Variants in TMEM245 observed in about 807,000 individuals in gnomAD.
TMEM245 encodes the protein transmembrane protein 245.
In TMEM245, 69 loss-of-function variants were observed where a neutral mutation model predicts 101.2. That is an observed-to-expected ratio of 0.68 (90% CI 0.56 to 0.83). The LOEUF (loss-of-function observed/expected upper bound fraction) is 0.83. TMEM245 is among the 40% of genes least tolerant of loss of function. The probability of loss-of-function intolerance (pLI) is 0.00; values close to 1 mark genes in which losing one functional copy is unlikely to be tolerated. For missense variants in TMEM245, 1,075 were observed against 1,092.8 expected, an observed-to-expected ratio of 0.98 and a Z score of 0.23; for synonymous variants, 537 against 449.8, an observed-to-expected ratio of 1.19 and a Z score of -2.45.
Position 109,019,242 on chromosome 9 carries a change from T to G in TMEM245, c.*1218A>C, listed in dbSNP as rs1827547096. ...AACACTGGGAAAACTGCATACAATATTTAGAAGGAACACTAATACAGCAGA... is the reference window on the plus strand; with the variant it reads ...AACACTGGGAAAACTGCATACAATAGTTAGAAGGAACACTAATACAGCAGA... On this transcript the variant is annotated 3_prime_UTR_variant, in exon 18 of 18. Coordinates refer to ENST00000374586, the MANE Select transcript of TMEM245 (RefSeq NM_032012.4). The G allele has an allele frequency of 6.6e-6, 1 of 152,206 alleles. No individual in the cohort carries two copies. The highest frequency in any genetic ancestry group is 1.5e-5 in the Non-Finnish European group (1 of 68,060). 9.4% of individuals were successfully genotyped at this position (152,206 alleles called of 1,614,324 possible).
chr9:109,022,668 C>A (rs1827667161), intron 17 of TMEM245, among the ~76,000 whole-genome samples: 1 of 152,134 alleles, frequency 6.6e-6, no homozygotes, highest in Non-Finnish European at 1.5e-5. Context: ...AGAACTAAAG[C>A]TCTAGATAGC....
chr9:109,096,046 T>C (rs1000781004), intron 3 of TMEM245, among the ~76,000 whole-genome samples: 8 of 152,264 alleles, frequency 5.3e-5, no homozygotes, highest in African/African-American at 1.4e-4. Flanking sequence ...CGGACCACAC[T>C]TGATGAGGAA....
Position 109,060,363 on chromosome 9 carries a change from C to T in TMEM245, c.1713G>A (p.Trp571Ter). Residue 571 changes from tryptophan to a stop codon, truncating the protein, a stop_gained, in exon 11 of 18, where the codon TGG (tryptophan) becomes TGA (stop). Coordinates refer to ENST00000374586, the MANE Select transcript of TMEM245 (RefSeq NM_032012.4). LOFTEE classifies it high-confidence loss of function. ...LELWDRLYHS[W>*]FVKNVTHSGR... ...AGCTAAAATAACTTACCTTTACAAA[C>T]CAAGAGTGATACAGTCTGTCCCAAA... 7 of 1,611,462 alleles carry T rather than the reference C, an allele frequency of 4.3e-6. No homozygotes were observed. The highest frequency in any genetic ancestry group is 5.9e-6 in the Non-Finnish European group (7 of 1,178,772).
At chr9:109,118,968 G>C (rs1165517588) in intron 1 of TMEM245, among the ~76,000 whole-genome samples, 1 of 152,172 alleles carries the variant, frequency 6.6e-6, no homozygotes, top group Non-Finnish European at 1.5e-5. Context: ...GCGCAGAACT[G>C]AGGGTGGCCG....
Position 109,085,927 on chromosome 9 carries a change from G to A in TMEM245, c.1344+70C>T, listed in dbSNP as rs1588062875. ...AGTTTGACACATGGACAGAAACATA[G>A]AGTGAAAAAGGCGATACAGGGGCAT... On this transcript the variant is annotated intron_variant, in intron 7 of 17. Coordinates refer to ENST00000374586, the MANE Select transcript of TMEM245 (RefSeq NM_032012.4). 9 of 1,511,418 alleles carry A rather than the reference G, an allele frequency of 6.0e-6. No individual in the cohort carries two copies. In the East Asian group the frequency reaches 1.8e-4, roughly 30 times the overall value. The allele number at this position is 1,511,418 out of a possible 1,614,324, so 93.6% of individuals were successfully genotyped here.
At chr9:109,089,846 T>C (rs1368714533) in intron 5 of TMEM245, among the ~76,000 whole-genome samples, 1 of 152,212 alleles carries the variant, frequency 6.6e-6, no homozygotes, top group African/African-American at 2.4e-5. Flanking sequence ...TAGATATACA[T>C]GTAATTTAAT....
In TMEM245 at chr9:109,080,408, G is replaced by A. The variant is rs113294783; in HGVS notation, c.1449+431C>T. Among the ~76,000 whole-genome samples, 571 of 152,112 alleles carry A rather than the reference G, an allele frequency of 3.8e-3. 4 individuals are homozygous for A. Among genetic ancestry groups the A allele is most frequent in the Non-Finnish European group, 6.4e-3 (437 of 67,934 alleles). ...TGTAAGCTGGAAGGACCTGGAAAGC[G>A]AGAAATAAAGGTGCTATGGTATATA... is the stretch of plus-strand genomic sequence containing the variant. On this transcript the variant is annotated intron_variant, in intron 8 of 17. Coordinates refer to ENST00000374586, the MANE Select transcript of TMEM245 (RefSeq NM_032012.4).
chr9:109,051,033 G>A (rs1219151916), intron 12 of TMEM245, among the ~76,000 whole-genome samples: 2 of 152,018 alleles, frequency 1.3e-5, no homozygotes, highest in African/African-American at 2.4e-5. Context: ...GCTCATGCCT[G>A]TAATCCCAGC....
At chr9:109,116,700 G>T (rs1277912695) in intron 1 of TMEM245, among the ~76,000 whole-genome samples, 1 of 151,826 alleles carries the variant, frequency 6.6e-6, no homozygotes, top group Non-Finnish European at 1.5e-5. Context: ...CTAATTTTTT[G>T]TATTTTTAGT....
chr9:109,078,007 T>C (rs1829562006), intron 8 of TMEM245, among the ~76,000 whole-genome samples: 2 of 152,210 alleles, frequency 1.3e-5, no homozygotes, highest in Admixed American at 1.3e-4. Flanking sequence ...TGCACTGCCT[T>C]TTGTGTTCAG....
At chr9:109,083,184 T>TA (rs1829718582) in intron 7 of TMEM245, among the ~76,000 whole-genome samples, 1 of 150,486 alleles carries the variant, frequency 6.6e-6, no homozygotes, top group Non-Finnish European at 1.5e-5. Flanking sequence ...GTGAAGAGGA[T>TA]AAAAAACTTA....
At position 109,090,951 on chromosome 9, in the gene TMEM245, A is replaced by G; in HGVS notation, c.1121T>C (p.Ile374Thr). Reference protein sequence around the residue: ...VVMQIWLNLWIVQLLPVPIAV... With the variant: ...VVMQIWLNLWTVQLLPVPIAV... ...AATCGGCACTGGCAGCAACTGCACA[A>G]TCCACAGGTTCAACCAGATCTGCAT... The change falls in exon 5 of 18, where the codon ATT (isoleucine) becomes ACT (threonine). Residue 374 changes from isoleucine (I) to threonine (T), a missense_variant. Ile to Thr is a moderately conservative substitution (Grantham distance 89). Transcript: ENST00000374586. 3 of 1,614,240 alleles carry G rather than the reference A, an allele frequency of 1.9e-6. No homozygotes were observed. Among genetic ancestry groups the G allele is most frequent in the Non-Finnish European group, 2.5e-6 (3 of 1,180,048 alleles).
At chr9:109,115,214 G>A (rs1830684316) in intron 1 of TMEM245, among the ~76,000 whole-genome samples, 1 of 152,142 alleles carries the variant, frequency 6.6e-6, no homozygotes, top group Non-Finnish European at 1.5e-5. Flanking sequence ...GCCGGGCGTG[G>A]TGGGTGCCTG....
chr9:109,068,477 C>T (rs1318913654), intron 9 of TMEM245, among the ~76,000 whole-genome samples: 1 of 151,492 alleles, frequency 6.6e-6, no homozygotes, highest in East Asian at 1.9e-4. Flanking sequence ...CCCTCTCTTA[C>T]TAAAAACAAA....
intron 17 of TMEM245, among the ~76,000 whole-genome samples, chr9:109,024,632 A>G (rs1827741947): frequency 6.6e-6 from 1 of 152,250 alleles, no homozygotes; most frequent in African/African-American, 2.4e-5. Flanking sequence ...TCTCACAAAA[A>G]GGGTACTTTG....
At chr9:109,047,451 T>C (rs981426467) in intron 14 of TMEM245, among the ~76,000 whole-genome samples, 1 of 152,200 alleles carries the variant, frequency 6.6e-6, no homozygotes, top group African/African-American at 2.4e-5. Context: ...GTCATGATCT[T>C]CCCTAACCAG....
rs747782583 is a variant in TMEM245 at position 109,064,457 on chromosome 9, A to T, written c.1623+20T>A. ...AAGACCCTGAAAAGAGAAAGCCACAAAGAAAGTTTCTTCCCTTACCTTGTG... is the reference window on the plus strand; with the variant it reads ...AAGACCCTGAAAAGAGAAAGCCACATAGAAAGTTTCTTCCCTTACCTTGTG... On this transcript the variant is annotated intron_variant, in intron 10 of 17. Transcript: ENST00000374586. The T allele has an allele frequency of 1.9e-6, 3 of 1,598,444 alleles. No individual in the cohort carries two copies. The highest frequency in any genetic ancestry group is 2.6e-6 in the Non-Finnish European group (3 of 1,173,342).
Position 109,087,147 on chromosome 9 carries a change from C to T in TMEM245, c.1320+26G>A, listed in dbSNP as rs372587158. ...ACGAAATATATTAACTCCATTAAGA[C>T]AGCCCAAGTCCTTAAAATACAATAC... On this transcript the variant is annotated intron_variant, in intron 6 of 17. Transcript: ENST00000374586. 1.9e-5 allele frequency: 30 copies of T among 1,576,388 alleles called. No individual in the cohort carries two copies. In the African/African-American group the frequency reaches 3.6e-4, roughly 19 times the overall value.
At chr9:109,105,464 A>G (rs34503116) in intron 3 of TMEM245, among the ~76,000 whole-genome samples, 20,452 of 152,250 alleles carry the variant, frequency 0.13, 1,613 homozygotes, top group African/African-American at 0.19. Flanking sequence ...AAAATTAAAC[A>G]CAGAATTACC....
Sources: gnomAD v4.1 joint callset for allele counts (sites outside exome capture counted in the v4.1 genomes callset) on GRCh38, gnomAD v4.1.1 for gene constraint, MANE v1.5 for transcripts, NCBI Gene and HGNC (gene_info 2026-07-23, HGNC 2026-07-21) for gene names.